Variants in CNTN6 observed in about 807,000 individuals in gnomAD.
CNTN6 encodes contactin 6.
In CNTN6, 137 loss-of-function variants were observed where a neutral mutation model predicts 122.8. The observed-to-expected ratio is 1.12, with a 90% CI of 0.97 to 1.29. CNTN6 has a LOEUF of 1.29. Ranked by LOEUF, CNTN6 falls within the 50% of genes most tolerant of loss-of-function variation. The pLI, the probability that CNTN6 is intolerant of heterozygous loss-of-function variation, is 0.00. For synonymous variants in CNTN6, 570 were observed against 426.0 expected (o/e 1.34, Z -4.16); for missense variants, 1,634 against 1,223.4 (o/e 1.34, Z -5.01).
rs1337857930 is a variant in CNTN6, at chr3:1,300,536, AG to A, written c.761+2546del. Among the ~76,000 whole-genome samples, 138 of 141,170 alleles carry A rather than the reference AG, an allele frequency of 9.8e-4. 3 individuals are homozygous for A. The highest frequency in any genetic ancestry group is 3.7e-3 in the African/African-American group (134 of 35,760). The allele number at this position is 141,170 out of a possible 152,430, so 92.6% of individuals were successfully genotyped here. On this transcript the variant is annotated intron_variant, in intron 7 of 22. Transcript: ENST00000446702. ...AAGAAAGAAAGAAAGATAAAGAAAG[AG>A]AGAGAAAGAAAGAGAAAGAAAAAGA...
chr3:1,228,788 T>C (rs1172293516), intron 4 of CNTN6, among the ~76,000 whole-genome samples: 1 of 152,236 alleles, frequency 6.6e-6, no homozygotes, highest in East Asian at 1.9e-4. Flanking sequence ...TACTGTCTGT[T>C]ACTTTGAAAA....
intron 1 of CNTN6, among the ~76,000 whole-genome samples, chr3:1,139,049 A>G (rs2092551088): frequency 1.3e-5 from 2 of 152,216 alleles, no homozygotes; most frequent in South Asian, 4.1e-4. Context: ...GGGTGGGAAA[A>G]CTATGGCCAT....
intron 5 of CNTN6, among the ~76,000 whole-genome samples, chr3:1,294,371 G>T (rs1223622904): frequency 2.6e-5 from 4 of 152,128 alleles, no homozygotes; most frequent in African/African-American, 9.7e-5. Context: ...TTTGTTTTAT[G>T]ATGACATACA....
At chr3:1,202,979 A>G (rs1459120855) in intron 2 of CNTN6, among the ~76,000 whole-genome samples, 1 of 152,222 alleles carries the variant, frequency 6.6e-6, no homozygotes, top group East Asian at 1.9e-4. Flanking sequence ...AAACTGATGT[A>G]GCAAGAGAGT....
At chr3:1,394,065 AG>A (rs1233648697) in intron 20 of CNTN6, 1 of 160,478 alleles carries the variant, frequency 6.2e-6, no homozygotes, top group African/African-American at 2.4e-5. Flanking sequence ...ACAGCAATGA[AG>A]GGGGACAGAT....
In CNTN6 at chr3:1,385,728, G is replaced by T. The variant is rs180685101; in HGVS notation, c.2635G>T (p.Val879Leu). The T allele has an allele frequency of 3.1e-6, 5 of 1,613,934 alleles. No homozygotes were observed. Among genetic ancestry groups the T allele is most frequent in the Non-Finnish European group, 4.2e-6 (5 of 1,179,948 alleles). The change falls in exon 20 of 23, where the codon GTA becomes TTA. Residue 879 changes from valine to leucine, a missense_variant. Transcript: ENST00000446702. The part of the protein sequence containing the change: ...LKANTIYFAS[V>L]RAYNTAGTGP... ...AGCTAATACCATCTACTTTGCTTCCGTAAGAGCTTACAACACTGCTGGGAC... is the reference window on the plus strand; with the variant it reads ...AGCTAATACCATCTACTTTGCTTCCTTAAGAGCTTACAACACTGCTGGGAC...
Position 1,325,924 on chromosome 3 carries a change from A to C in CNTN6, c.1056A>C (p.Leu352Phe). Reference protein sequence around the residue: ...SGKPNPWYTWLKNGERLNPEE... With the variant: ...SGKPNPWYTWFKNGERLNPEE... The stretch of plus-strand genomic sequence containing the variant: ...AGCCAAACCCTTGGTATACATGGTT[A>C]AAAAATGGTGAACGACTCAACCCAG... The change falls in exon 9 of 23, where the codon TTA (leucine) becomes TTC (phenylalanine). Residue 352 changes from leucine to phenylalanine, a missense_variant. Leu to Phe is a conservative substitution (Grantham distance 22, BLOSUM62 0). Transcript: ENST00000446702. 1 of 1,611,014 alleles carries C rather than the reference A, an allele frequency of 6.2e-7. No individual in the cohort carries two copies. The highest frequency in any genetic ancestry group is 1.1e-5 in the South Asian group (1 of 90,912).
At chr3:1,123,859 TAG>T (rs1553601731) in intron 1 of CNTN6, among the ~76,000 whole-genome samples, 2 of 152,002 alleles carry the variant, frequency 1.3e-5, no homozygotes, top group Non-Finnish European at 2.9e-5. Flanking sequence ...AGTTTCTTTG[TAG>T]TCCTAGTTTT....
chr3:1,252,115 G>A (rs1034548692), intron 4 of CNTN6, among the ~76,000 whole-genome samples: 1 of 152,158 alleles, frequency 6.6e-6, no homozygotes, highest in African/African-American at 2.4e-5. Flanking sequence ...AAGTCCTGAA[G>A]GTTTTGGCCT....
intron 5 of CNTN6, among the ~76,000 whole-genome samples, chr3:1,279,501 T>C (rs867310758): frequency 6.6e-6 from 1 of 152,226 alleles, no homozygotes; most frequent in East Asian, 1.9e-4. Flanking sequence ...GTATAATTAT[T>C]GTTTTACAGG....
rs148500536 is a variant in CNTN6 at position 1,121,110 on chromosome 3, G to A, written c.-82-26817G>A. On this transcript the variant is annotated intron_variant, in intron 1 of 22. Coordinates refer to ENST00000446702, the MANE Select transcript of CNTN6 (RefSeq NM_001289080.2). ...TAATATAGCCAAGTCACTGAGTTGGGAAGAAAGTGTGTGCAGTTACTGGCC... is the reference window on the plus strand; with the variant it reads ...TAATATAGCCAAGTCACTGAGTTGGAAAGAAAGTGTGTGCAGTTACTGGCC... 1.6e-4 allele frequency among the ~76,000 whole-genome samples: 24 copies of A among 152,120 alleles called. No individual in the cohort carries two copies. The East Asian group carries it at 3.9e-3, about 24-fold the overall frequency.
chr3:1,384,131 A>G (rs73095002), intron 19 of CNTN6, among the ~76,000 whole-genome samples: 10,353 of 152,284 alleles, frequency 0.068, 485 homozygotes, highest in African/African-American at 0.13. Context: ...GTAAGCTCTA[A>G]AGATCTGCTG....
intron 20 of CNTN6, among the ~76,000 whole-genome samples, chr3:1,396,804 T>C (rs1335845201): frequency 1.3e-5 from 2 of 152,212 alleles, no homozygotes; most frequent in Non-Finnish European, 2.9e-5. Flanking sequence ...TACTGAAACA[T>C]TGATGATAAC....
At chr3:1,384,750 CATATATAT>C (rs370173295) in intron 19 of CNTN6, among the ~76,000 whole-genome samples, 42 of 99,748 alleles carry the variant, frequency 4.2e-4, no homozygotes, top group African/African-American at 2.5e-3. Context: ...CATATATACA[CATATATAT>C]ACATATATAT....
intron 1 of CNTN6, among the ~76,000 whole-genome samples, chr3:1,146,991 G>A (rs1265880373): frequency 6.6e-6 from 1 of 151,828 alleles, no homozygotes. Flanking sequence ...TTATTTAAAC[G>A]TTAAGTATAA....
rs201450079 is a variant in CNTN6 at position 1,220,791 on chromosome 3, G to T, written c.160G>T (p.Gly54Cys). 1 of 1,609,572 alleles carries T rather than the reference G, an allele frequency of 6.2e-7. No individual in the cohort carries two copies. The highest frequency in any genetic ancestry group is 1.7e-4 in the Middle Eastern group (1 of 6,026). Residue 54 changes from glycine to cysteine, a missense_variant, in exon 3 of 23, where the codon GGT becomes TGT. Gly to Cys is a radical substitution (Grantham distance 159). Coordinates refer to ENST00000446702, the MANE Select transcript of CNTN6 (RefSeq NM_001289080.2). ...SEVILNCAANGYPSPHYRWKQ... is the reference protein window; with the variant it reads ...SEVILNCAANCYPSPHYRWKQ... ...GGTCATCCTGAATTGTGCTGCTAAT[G>T]GTTACCCTTCGCCTCATTATAGGTA...
chr3:1,131,664 G>T (rs144546810), intron 1 of CNTN6, among the ~76,000 whole-genome samples: 54 of 152,220 alleles, frequency 3.5e-4, no homozygotes, highest in African/African-American at 1.1e-3. Context: ...TGAGACAGAG[G>T]TGGTCATTCA....
At chr3:1,240,796 T>A (rs1575374290) in intron 4 of CNTN6, among the ~76,000 whole-genome samples, 1 of 152,102 alleles carries the variant, frequency 6.6e-6, no homozygotes, top group Admixed American at 6.5e-5. Context: ...AACATGGCTG[T>A]TTATTTCACA....
chr3:1,137,785 A>G (rs1176671594), intron 1 of CNTN6, among the ~76,000 whole-genome samples: 2 of 152,164 alleles, frequency 1.3e-5, no homozygotes, highest in African/African-American at 4.8e-5. Context: ...TGTCTGGTAG[A>G]TTTTAAGAAT....
Sources: allele counts gnomAD v4.1 joint callset (sites outside exome capture counted in the v4.1 genomes callset), GRCh38; gene constraint gnomAD v4.1.1; transcripts MANE v1.5; gene names NCBI Gene and HGNC (gene_info 2026-07-23, HGNC 2026-07-21).